Variants in UNC13C observed in about 807,000 individuals in gnomAD.
UNC13C encodes the protein unc-13 homolog C, also known as protein unc-13 homolog C.
A neutral mutation model predicts 245.4 loss-of-function variants in UNC13C; 174 were observed. The observed-to-expected ratio is 0.71, with a 90% CI of 0.63 to 0.80. UNC13C has a LOEUF of 0.80. UNC13C is among the 30% of genes least tolerant of loss of function. UNC13C has a pLI of 0.00. For missense variants in UNC13C, 2,829 were observed against 2,602.9 expected (o/e 1.09, Z -1.89); for synonymous variants, 992 against 895.1 (o/e 1.11, Z -1.93).
intron 31 of UNC13C, 73 bp downstream of exon 31, chr15:54,622,492 C>T: frequency 1.7e-6 from 2 of 1,161,968 alleles, no homozygotes; most frequent in South Asian, 1.4e-5. Context: ...AGCAATGTAA[C>T]TTTTCTTGCA....
chr15:53,995,255 A>G (rs991534299), intron 1 of UNC13C, among the ~76,000 whole-genome samples: 1 of 152,142 alleles, frequency 6.6e-6, no homozygotes, highest in Non-Finnish European at 1.5e-5. Context: ...AAGTCTGAAA[A>G]GAGCAGAGGG....
the UNC13C span, among the ~76,000 whole-genome samples, chr15:53,951,510 G>A: frequency 9.9e-5 from 15 of 152,170 alleles, no homozygotes; most frequent in Non-Finnish European, 1.8e-4. Context: ...AAGTGTCCTG[G>A]TGTAAACGGT....
At chr15:54,143,105 C>A (rs2032099290) in intron 3 of UNC13C, 65 bp downstream of exon 3, 3 of 1,423,642 alleles carry the variant, frequency 2.1e-6, no homozygotes, top group Admixed American at 3.4e-5. Context: ...TTGTTTGTGA[C>A]ATATTAGATC....
chr15:54,007,834 A>C (rs1400496169), intron 1 of UNC13C, among the ~76,000 whole-genome samples: 2 of 152,168 alleles, frequency 1.3e-5, no homozygotes, highest in Non-Finnish European at 2.9e-5. Context: ...GATCAGAATA[A>C]GGGCCAGTGA....
At chr15:54,129,193 A>G (rs1386130493) in intron 2 of UNC13C, among the ~76,000 whole-genome samples, 1 of 152,178 alleles carries the variant, frequency 6.6e-6, no homozygotes, top group East Asian at 1.9e-4. Flanking sequence ...CCACTAATGA[A>G]TTTTACATTG....
At chr15:53,957,300 C>T in the UNC13C span, among the ~76,000 whole-genome samples, 2 of 152,048 alleles carry the variant, frequency 1.3e-5, no homozygotes, top group Non-Finnish European at 1.5e-5. Flanking sequence ...CACCACTACG[C>T]CTGGCTAATT....
intron 30 of UNC13C, among the ~76,000 whole-genome samples, chr15:54,613,333 AT>A (rs1596677330): frequency 6.6e-6 from 1 of 151,946 alleles, no homozygotes; most frequent in South Asian, 2.1e-4. Context: ...ATATTAAAAA[AT>A]GTCTATTAAA....
At chr15:54,236,537 A>T (rs1206827083) in intron 6 of UNC13C, 102 bp downstream of exon 6, 1 of 871,702 alleles carries the variant, frequency 1.1e-6, no homozygotes, top group Non-Finnish European at 1.8e-6. Context: ...AGAAATGAAA[A>T]GACAGACATA....
At chr15:54,332,207 T>A in intron 15 of UNC13C, 96 bp downstream of exon 15, 1 of 841,336 alleles carries the variant, frequency 1.2e-6, no homozygotes, top group Non-Finnish European at 1.8e-6. Context: ...AATAGAAAAA[T>A]AAAAATATTG....
intron 2 of UNC13C, among the ~76,000 whole-genome samples, chr15:54,088,455 C>T (rs1899374476): frequency 6.6e-6 from 1 of 152,194 alleles, no homozygotes; most frequent in Non-Finnish European, 1.5e-5. Context: ...TATAGATGCA[C>T]TTCCAGACAA....
At chr15:54,485,413 G>T (rs905029951) in intron 19 of UNC13C, among the ~76,000 whole-genome samples, 2 of 152,176 alleles carry the variant, frequency 1.3e-5, no homozygotes, top group Non-Finnish European at 2.9e-5. Context: ...GAAAGACACA[G>T]AACCAAGATT....
chr15:54,308,198 T>C (rs1249084646), intron 13 of UNC13C, among the ~76,000 whole-genome samples: 1 of 151,918 alleles, frequency 6.6e-6, no homozygotes, highest in Non-Finnish European at 1.5e-5. Context: ...GCATGTGAGT[T>C]AGAGGATTGT....
intron 19 of UNC13C, among the ~76,000 whole-genome samples, chr15:54,450,543 G>A (rs1891114661): frequency 1.3e-5 from 2 of 152,224 alleles, no homozygotes; most frequent in South Asian, 2.1e-4. Context: ...AATGAGCGAG[G>A]CTCCATGGGC....
chr15:54,413,307 T>A (rs1380933342), intron 18 of UNC13C, among the ~76,000 whole-genome samples: 1 of 152,052 alleles, frequency 6.6e-6, no homozygotes, highest in East Asian at 1.9e-4. Context: ...ATAATCTTAT[T>A]CTTGATTCAA....
At chr15:53,868,882 C>G in the UNC13C span, among the ~76,000 whole-genome samples, 367 of 152,134 alleles carry the variant, frequency 2.4e-3, 2 homozygotes, top group African/African-American at 8.5e-3. Flanking sequence ...TTTTGGGAGG[C>G]CAAAATAGAA....
Position 54,153,186 on chromosome 15 carries a change from AATCT to A in UNC13C, c.3071+9508_3071+9511del, listed in dbSNP as rs550724898. ...TAATCCATATTTTCAGATATGACAA[AATCT>A]ATCTAAGACTAGCAGATTAAGAGTT... is the stretch of plus-strand genomic sequence containing the variant. On this transcript the variant is annotated intron_variant, in intron 4 of 32. Coordinates refer to ENST00000260323, the MANE Select transcript of UNC13C (RefSeq NM_001080534.3). Among the ~76,000 whole-genome samples the A allele has an allele frequency of 3.1e-3, 478 of 152,226 alleles. 2 individuals are homozygous for A. The highest frequency in any genetic ancestry group is 5.1e-3 in the Non-Finnish European group (350 of 67,964).
chr15:54,182,051 C>T (rs2033819002), intron 4 of UNC13C, among the ~76,000 whole-genome samples: 1 of 151,902 alleles, frequency 6.6e-6, no homozygotes, highest in South Asian at 2.1e-4. Flanking sequence ...ATTACTCTGA[C>T]CAGGACTTCT....
At chr15:54,034,895 A>T (rs568176652) in intron 2 of UNC13C, among the ~76,000 whole-genome samples, 11 of 152,336 alleles carry the variant, frequency 7.2e-5, no homozygotes, top group African/African-American at 2.4e-4. Flanking sequence ...ACCGACGTAG[A>T]AATAACCCAG....
intron 2 of UNC13C, among the ~76,000 whole-genome samples, chr15:54,063,296 A>G (rs1267270880): frequency 6.6e-6 from 1 of 152,160 alleles, no homozygotes; most frequent in Non-Finnish European, 1.5e-5. Flanking sequence ...GTAGTTCCAA[A>G]GCAAGACACA....
Sources: allele counts gnomAD v4.1 joint callset (sites outside exome capture counted in the v4.1 genomes callset), GRCh38; gene constraint gnomAD v4.1.1; transcripts MANE v1.5; gene names NCBI Gene and HGNC (gene_info 2026-07-23, HGNC 2026-07-21).